Variants in ST18 observed in about 807,000 individuals in gnomAD.
ST18 encodes the protein ST18 C2H2C-type zinc finger transcription factor.
In ST18, 50 loss-of-function variants were observed where a neutral mutation model predicts 110.0. That is an observed-to-expected ratio of 0.45 (90% confidence interval 0.36 to 0.58). ST18 has a LOEUF of 0.58. Ranked by LOEUF, ST18 falls within the 20% of genes least tolerant of loss-of-function variation. The pLI is 0.00. For synonymous variants in ST18, 461 were observed against 452.4 expected (o/e 1.02, Z -0.24); for missense variants, 1,306 against 1,280.1 (o/e 1.02, Z -0.31).
chr8:52,333,034 G>A (rs1009201093), intron 2 of ST18, among the ~76,000 whole-genome samples: 15 of 152,018 alleles, frequency 9.9e-5, no homozygotes, highest in Admixed American at 9.8e-4. Flanking sequence ...ATAAACTGAG[G>A]TGGGATTCAG....
At chr8:52,392,093 A>T (rs1391455994) in intron 2 of ST18, among the ~76,000 whole-genome samples, 2 of 152,220 alleles carry the variant, frequency 1.3e-5, no homozygotes, top group Admixed American at 6.5e-5. Flanking sequence ...AAAAATGAGA[A>T]TGCATTCAAT....
At chr8:52,242,100 A>G (rs1230931795) in intron 2 of ST18, among the ~76,000 whole-genome samples, 1 of 152,178 alleles carries the variant, frequency 6.6e-6, no homozygotes, top group Non-Finnish European at 1.5e-5. Flanking sequence ...TCAACATGGC[A>G]TTTTCAAAAG....
At chr8:52,242,021 A>G (rs1017178872) in intron 2 of ST18, among the ~76,000 whole-genome samples, 5 of 152,200 alleles carry the variant, frequency 3.3e-5, no homozygotes, top group African/African-American at 1.2e-4. Flanking sequence ...GATTTTAAAT[A>G]CAGTTTCTCT....
chr8:52,199,933 T>C (rs1297293745), intron 8 of ST18, among the ~76,000 whole-genome samples: 1 of 152,220 alleles, frequency 6.6e-6, no homozygotes, highest in Non-Finnish European at 1.5e-5. Flanking sequence ...CAGAAGGAGC[T>C]GCTCATTCCA....
intron 2 of ST18, among the ~76,000 whole-genome samples, chr8:52,338,533 C>A (rs1408085659): frequency 6.6e-6 from 1 of 152,222 alleles, no homozygotes; most frequent in Non-Finnish European, 1.5e-5. Context: ...AGGTGATCCT[C>A]CCACCTCAGC....
At chr8:52,338,215 T>C (rs1314873917) in intron 2 of ST18, among the ~76,000 whole-genome samples, 1 of 151,170 alleles carries the variant, frequency 6.6e-6, no homozygotes, top group Admixed American at 6.6e-5. Flanking sequence ...TGTGCCACCA[T>C]GTCTGGCTAA....
intron 2 of ST18, among the ~76,000 whole-genome samples, chr8:52,274,450 A>G (rs947656017): frequency 7.2e-5 from 11 of 152,192 alleles, no homozygotes; most frequent in East Asian, 1.9e-4. Context: ...GCAATCAGTT[A>G]TTTCTCAAGC....
chr8:52,181,223 A>T (rs891045207), intron 8 of ST18, among the ~76,000 whole-genome samples: 1 of 152,220 alleles, frequency 6.6e-6, no homozygotes, highest in African/African-American at 2.4e-5. Flanking sequence ...TTAGATGAAA[A>T]GATCCAGAGA....
At chr8:52,238,946 A>AT (rs1166766499) in intron 2 of ST18, among the ~76,000 whole-genome samples, 1 of 151,988 alleles carries the variant, frequency 6.6e-6, no homozygotes, top group Non-Finnish European at 1.5e-5. Flanking sequence ...AAAAACTCAG[A>AT]CTTCACCACT....
chr8:52,129,892 A>G (rs1468890917), intron 22 of ST18, among the ~76,000 whole-genome samples: 1 of 151,892 alleles, frequency 6.6e-6, no homozygotes, highest in Non-Finnish European at 1.5e-5. Context: ...TAAAAATACA[A>G]AAATTAGCCT....
chr8:52,376,471 T>C (rs1446481562), intron 2 of ST18, among the ~76,000 whole-genome samples: 1 of 152,256 alleles, frequency 6.6e-6, no homozygotes, highest in Non-Finnish European at 1.5e-5. Context: ...TAGCCCACAA[T>C]GACTACTTAA....
chr8:52,271,532 A>C (rs1170061685), intron 2 of ST18, among the ~76,000 whole-genome samples: 2 of 152,232 alleles, frequency 1.3e-5, no homozygotes, highest in Non-Finnish European at 2.9e-5. Context: ...AGGTTTTTGC[A>C]GGAAACAGAT....
chr8:52,313,633 A>T (rs1401858581), intron 2 of ST18: 1 of 152,362 alleles, frequency 6.6e-6, no homozygotes, highest in Non-Finnish European at 1.5e-5. Context: ...CTGTGAAGAG[A>T]CAAATACAGT....
At chr8:52,339,411 C>T (rs879735765) in intron 2 of ST18, among the ~76,000 whole-genome samples, 5 of 152,220 alleles carry the variant, frequency 3.3e-5, no homozygotes, top group Non-Finnish European at 7.3e-5. Context: ...CTTCCTAAAC[C>T]GACTGTACCA....
chr8:52,197,135 G>C (rs1029926923), intron 8 of ST18, among the ~76,000 whole-genome samples: 3 of 152,138 alleles, frequency 2.0e-5, no homozygotes, highest in African/African-American at 7.2e-5. Context: ...TGGGGACATT[G>C]GAACATAGTA....
intron 2 of ST18, among the ~76,000 whole-genome samples, chr8:52,275,397 C>A (rs1275675684): frequency 6.6e-6 from 1 of 152,118 alleles, no homozygotes; most frequent in Non-Finnish European, 1.5e-5. Context: ...AGTTTAAATT[C>A]ATTTGTTTCA....
At chr8:52,249,178 G>C (rs2094094806) in intron 2 of ST18, among the ~76,000 whole-genome samples, 1 of 152,074 alleles carries the variant, frequency 6.6e-6, no homozygotes, top group South Asian at 2.1e-4. Flanking sequence ...TTTTGAAACA[G>C]CAAAACAAAA....
intron 2 of ST18, among the ~76,000 whole-genome samples, chr8:52,253,870 G>A (rs1589342319): frequency 6.6e-6 from 1 of 152,174 alleles, no homozygotes; most frequent in East Asian, 1.9e-4. Flanking sequence ...GGCGATACTG[G>A]TGCAGTATAA....
At chr8:52,156,555 T>C (rs1353236765) in intron 15 of ST18, among the ~76,000 whole-genome samples, 1 of 152,230 alleles carries the variant, frequency 6.6e-6, no homozygotes, top group Non-Finnish European at 1.5e-5. Flanking sequence ...AGAAAAGGCC[T>C]ACATCAGACA....
Sources: allele counts gnomAD v4.1 joint callset (sites outside exome capture counted in the v4.1 genomes callset), GRCh38; gene constraint gnomAD v4.1.1; transcripts MANE v1.5; gene names NCBI Gene and HGNC (gene_info 2026-07-23, HGNC 2026-07-21).